OR1J2: variants seen among roughly 807,000 people sequenced by gnomAD.
OR1J2 encodes the protein olfactory receptor family 1 subfamily J member 2, also known as olfactory receptor 1J2.
For synonymous variants in OR1J2, 142 were observed against 99.7 expected (o/e 1.42, Z -2.52); for missense variants, 304 against 246.1 (o/e 1.24, Z -1.57).
At chr9:122,523,540 T>A in the OR1J2 span, among the ~76,000 whole-genome samples, 1 of 152,094 alleles carries the variant, frequency 6.6e-6, no homozygotes, top group Non-Finnish European at 1.5e-5. Flanking sequence ...TCATTGTACA[T>A]TCAGGTAACA....
chr9:122,456,278 G>A, the OR1J2 span, among the ~76,000 whole-genome samples: 83 of 152,204 alleles, frequency 5.5e-4, no homozygotes, highest in African/African-American at 1.8e-3. Context: ...GAATAAACAC[G>A]TGCCTAGAAA....
chr9:122,541,615 C>T, the OR1J2 span, among the ~76,000 whole-genome samples: 2 of 152,198 alleles, frequency 1.3e-5, no homozygotes, highest in East Asian at 1.9e-4. Flanking sequence ...TGCTGAAATG[C>T]ACAGCCCTTT....
the OR1J2 span, among the ~76,000 whole-genome samples, chr9:122,484,383 A>G: frequency 6.6e-6 from 1 of 152,036 alleles, no homozygotes; most frequent in African/African-American, 2.4e-5. Context: ...GATGGTCTCG[A>G]TCTCTTGACC....
At chr9:122,516,605 T>C (rs921341712), downstream of OR1J2, among the ~76,000 whole-genome samples, 2 of 152,064 alleles carry the variant, frequency 1.3e-5, no homozygotes, top group Non-Finnish European at 2.9e-5. Context: ...GCCCGGCCCA[T>C]ACATGGTCTT....
the OR1J2 span, among the ~76,000 whole-genome samples, chr9:122,542,484 G>T: frequency 1.3e-5 from 2 of 152,052 alleles, no homozygotes; most frequent in Admixed American, 6.5e-5. Context: ...ATTTTCAACA[G>T]AACTAGTAGT....
At chr9:122,474,649 A>G in the OR1J2 span, among the ~76,000 whole-genome samples, 7 of 152,252 alleles carry the variant, frequency 4.6e-5, no homozygotes, top group African/African-American at 1.7e-4. Flanking sequence ...GTCTGAGATA[A>G]GAACTATTTC....
the OR1J2 span, chr9:122,567,952 G>A: frequency 1.5e-5 from 25 of 1,614,034 alleles, no homozygotes; most frequent in Non-Finnish European, 2.0e-5. Flanking sequence ...AGAAAGTGGT[G>A]GATAACATTG....
chr9:122,522,078 C>T, the OR1J2 span, among the ~76,000 whole-genome samples: 1 of 152,202 alleles, frequency 6.6e-6, no homozygotes, highest in Non-Finnish European at 1.5e-5. Flanking sequence ...GAACATCAAT[C>T]ACATTGGAAG....
At chr9:122,475,676 A>G in the OR1J2 span, 5 of 152,216 alleles carry the variant, frequency 3.3e-5, no homozygotes, top group African/African-American at 4.8e-5. Context: ...TCACTTTAAT[A>G]TCTGTTGTCT....
At chr9:122,576,303 C>G in the OR1J2 span, among the ~76,000 whole-genome samples, 55 of 152,150 alleles carry the variant, frequency 3.6e-4, no homozygotes, top group Non-Finnish European at 6.3e-4. Context: ...CCCACTGCAA[C>G]CTCCGCCTCC....
At chr9:122,551,718 G>C in the OR1J2 span, among the ~76,000 whole-genome samples, 5 of 152,114 alleles carry the variant, frequency 3.3e-5, no homozygotes, top group Non-Finnish European at 7.4e-5. Context: ...GCCAGAGTTG[G>C]CTGGAGAACA....
chr9:122,503,301 T>C, the OR1J2 span, among the ~76,000 whole-genome samples: 17,922 of 152,232 alleles, frequency 0.12, 1,184 homozygotes, highest in Middle Eastern at 0.17. Flanking sequence ...AGGTGTTGAA[T>C]GTAATTAACT....
At chr9:122,524,476 G>C in the OR1J2 span, among the ~76,000 whole-genome samples, 1 of 152,216 alleles carries the variant, frequency 6.6e-6, no homozygotes, top group Non-Finnish European at 1.5e-5. Context: ...AACAGTGATA[G>C]GCAACAGTGT....
chr9:122,509,749 T>C (rs1828596351), upstream of OR1J2, among the ~76,000 whole-genome samples: 1 of 152,048 alleles, frequency 6.6e-6, no homozygotes, highest in African/African-American at 2.4e-5. Context: ...CATATTAAGG[T>C]TGTTACACTC....
At chr9:122,556,692 AAAGT>A in the OR1J2 span, among the ~76,000 whole-genome samples, 1 of 152,296 alleles carries the variant, frequency 6.6e-6, no homozygotes, top group East Asian at 1.9e-4. Context: ...AAAGAAAAAA[AAAGT>A]AAGTAGTGTC....
the OR1J2 span, among the ~76,000 whole-genome samples, chr9:122,561,372 C>T: frequency 3.9e-5 from 6 of 152,184 alleles, no homozygotes; most frequent in Non-Finnish European, 5.9e-5. Context: ...ATCCAGTTCA[C>T]GCCCTTGCTG....
At chr9:122,523,567 A>G in the OR1J2 span, among the ~76,000 whole-genome samples, 10 of 152,310 alleles carry the variant, frequency 6.6e-5, no homozygotes, top group East Asian at 1.7e-3. Flanking sequence ...GTGTGCCTGG[A>G]TGAAGACAAT....
chr9:122,551,499 C>A, the OR1J2 span, among the ~76,000 whole-genome samples: 1 of 152,286 alleles, frequency 6.6e-6, no homozygotes, highest in South Asian at 2.1e-4. Context: ...AGTTTATACT[C>A]CTGATTTCTT....
chr9:122,497,922 A>T, the OR1J2 span, among the ~76,000 whole-genome samples: 75 of 152,136 alleles, frequency 4.9e-4, no homozygotes, highest in Non-Finnish European at 7.8e-4. Flanking sequence ...TTCTGCCTTG[A>T]CTTCATTGTT....
Sources: allele counts gnomAD v4.1 joint callset (sites outside exome capture counted in the v4.1 genomes callset), GRCh38; gene constraint gnomAD v4.1.1; transcripts MANE v1.5; gene names NCBI Gene and HGNC (gene_info 2026-07-23, HGNC 2026-07-21).